ANK3: variants seen among roughly 807,000 people sequenced by gnomAD.
ANK3 encodes ankyrin-3.
Under a neutral mutation model 370.9 loss-of-function variants are expected in ANK3, and 57 were observed. That is an observed-to-expected ratio of 0.15 (90% confidence interval 0.12 to 0.19). The LOEUF (loss-of-function observed/expected upper bound fraction) is 0.19. Among genes scored for constraint, ANK3 ranks in the 10% least tolerant of loss-of-function variants. ANK3 has a pLI of 1.00. For synonymous variants in ANK3, 1,929 were observed against 1,946.3 expected, an observed-to-expected ratio of 0.99 and a Z score of 0.23; for missense variants, 4,439 against 5,302.1, an observed-to-expected ratio of 0.84 and a Z score of 5.06.
intron 25 of ANK3, among the ~76,000 whole-genome samples, chr10:60,125,494 T>G (rs1295277193): frequency 6.6e-6 from 1 of 152,214 alleles, no homozygotes; most frequent in East Asian, 1.9e-4. Flanking sequence ...CAAAGCACAT[T>G]GAAGAGAGAA....
intron 7 of ANK3, among the ~76,000 whole-genome samples, chr10:60,254,233 T>G (rs953918033): frequency 1.0e-4 from 9 of 89,492 alleles, no homozygotes; most frequent in African/African-American, 3.2e-4. Context: ...TTTTTTATTG[T>G]TTTTTTTTTC....
At chr10:60,127,022 A>G (rs1454062304) in intron 25 of ANK3, among the ~76,000 whole-genome samples, 1 of 152,236 alleles carries the variant, frequency 6.6e-6, no homozygotes, top group East Asian at 1.9e-4. Flanking sequence ...GAAAATCTGT[A>G]TGGTGCTAAC....
At chr10:60,733,241 A>AG in intron 1 of ANK3, 1 of 1,239,260 alleles carries the variant, frequency 8.1e-7, no homozygotes, top group East Asian at 3.1e-5. Context: ...AGCCGCAGGT[A>AG]GGGGGGCGGC....
At chr10:60,692,794 G>T (rs937408369) in intron 1 of ANK3, among the ~76,000 whole-genome samples, 4 of 152,194 alleles carry the variant, frequency 2.6e-5, no homozygotes, top group Non-Finnish European at 5.9e-5. Flanking sequence ...GCAAAATTCA[G>T]GTGTTAGCTG....
intron 8 of ANK3, among the ~76,000 whole-genome samples, chr10:60,224,391 C>T (rs1007857256): frequency 2.0e-5 from 3 of 152,080 alleles, no homozygotes; most frequent in Non-Finnish European, 2.9e-5. Context: ...GCACGTTACT[C>T]GCCGGACAGA....
chr10:60,105,168 T>C (rs2091987331), intron 28 of ANK3, among the ~76,000 whole-genome samples: 1 of 152,192 alleles, frequency 6.6e-6, no homozygotes, highest in Non-Finnish European at 1.5e-5. Flanking sequence ...TCTGATATTT[T>C]TCTCTCAGCA....
In ANK3 at chr10:60,644,890, T is replaced by TAA. The variant is rs10686327; in HGVS notation, c.58-29668_58-29667dup. 1.0e-4 allele frequency among the ~76,000 whole-genome samples: 13 copies of TAA among 125,950 alleles called. 1 individual carries two copies. Among genetic ancestry groups the TAA allele is most frequent in the Non-Finnish European group, 1.6e-4 (10 of 62,264 alleles). The allele number at this position is 125,950 out of a possible 152,430, so 82.6% of individuals were successfully genotyped here. ...GCCTGAATTACAGATAGTTTTAGTT[T>TAA]AAAAAAAAAAAAAACGATGAGTCAT... On this transcript the variant is annotated intron_variant, in intron 1 of 43. Transcript: ENST00000373827.
upstream of ANK3, chr10:60,389,931 A>G (rs990496032): frequency 2.3e-6 from 2 of 869,384 alleles, no homozygotes; most frequent in Non-Finnish European, 1.4e-6. Context: ...GGGAAGAATC[A>G]AGAGTCACCA....
At chr10:60,454,748 G>A (rs1467309342) in intron 2 of ANK3, among the ~76,000 whole-genome samples, 2 of 152,114 alleles carry the variant, frequency 1.3e-5, no homozygotes, top group Admixed American at 6.6e-5. Flanking sequence ...GAAGTTGTTC[G>A]AGTTCACAAA....
intron 1 of ANK3, among the ~76,000 whole-genome samples, chr10:60,639,440 T>A (rs554798443): frequency 6.6e-6 from 1 of 151,428 alleles, no homozygotes; most frequent in African/African-American, 2.4e-5. Flanking sequence ...AGAAGTAATT[T>A]TAAAAATATT....
intron 1 of ANK3, among the ~76,000 whole-genome samples, chr10:60,700,295 G>A (rs2079529038): frequency 1.3e-5 from 2 of 152,116 alleles, no homozygotes; most frequent in Non-Finnish European, 2.9e-5. Flanking sequence ...ATTACAGTAA[G>A]TTTTATGAGA....
rs78544670 is a variant in ANK3, at chr10:60,450,275, G to T, written c.96+164911C>A. ...CACCACCGCACTCCAGCTAGCCTGG[G>T]TGACAGCGGGAGGCCCTGTCTTAAG... On this transcript the variant is annotated intron_variant, in intron 2 of 43. Transcript: ENST00000373827. 9.8e-3 allele frequency among the ~76,000 whole-genome samples: 1,493 copies of T among 152,274 alleles called. 11 individuals are homozygous for T. The highest frequency in any genetic ancestry group is 0.016 in the Non-Finnish European group (1,086 of 68,016).
At chr10:60,470,134 T>G (rs757790781) in intron 2 of ANK3, among the ~76,000 whole-genome samples, 75 of 152,140 alleles carry the variant, frequency 4.9e-4, no homozygotes, top group Middle Eastern at 3.2e-3. Context: ...GGTTTCCAGC[T>G]AGTCGAATCA....
chr10:60,130,172 C>G (rs2093984658), intron 25 of ANK3, among the ~76,000 whole-genome samples: 1 of 152,182 alleles, frequency 6.6e-6, no homozygotes, highest in Non-Finnish European at 1.5e-5. Flanking sequence ...ACTAAGTACT[C>G]AGGCTCAACA....
intron 2 of ANK3, among the ~76,000 whole-genome samples, chr10:60,488,156 AG>A (rs1279351352): frequency 1.3e-5 from 2 of 152,188 alleles, no homozygotes; most frequent in Non-Finnish European, 2.9e-5. Flanking sequence ...AATACTAAAA[AG>A]TGTTTAATTA....
intron 42 of ANK3, among the ~76,000 whole-genome samples, chr10:60,049,590 A>T (rs1018135498): frequency 6.6e-6 from 1 of 152,192 alleles, no homozygotes; most frequent in Non-Finnish European, 1.5e-5. Flanking sequence ...TGTCTCAAAA[A>T]AAAAGTATTT....
At chr10:60,673,455 A>G (rs1176703586) in intron 1 of ANK3, among the ~76,000 whole-genome samples, 3 of 151,948 alleles carry the variant, frequency 2.0e-5, no homozygotes, top group Admixed American at 2.0e-4. Context: ...GGTTCAAACT[A>G]TTCTCCTGCC....
chr10:60,232,353 T>C (rs891843511), intron 8 of ANK3, among the ~76,000 whole-genome samples: 3 of 132,346 alleles, frequency 2.3e-5, no homozygotes, highest in Admixed American at 2.2e-4. Context: ...AGATTCCTCC[T>C]CTTTACAAAT....
intron 2 of ANK3, among the ~76,000 whole-genome samples, chr10:60,499,019 G>A (rs559041472): frequency 2.1e-4 from 32 of 152,300 alleles, no homozygotes; most frequent in Non-Finnish European, 4.1e-4. Context: ...ATTTTGTAAA[G>A]TGGCAGTTCT....
Sources: allele counts gnomAD v4.1 joint callset (sites outside exome capture counted in the v4.1 genomes callset), GRCh38; gene constraint gnomAD v4.1.1; transcripts MANE v1.5; gene names NCBI Gene and HGNC (gene_info 2026-07-23, HGNC 2026-07-21).